RPH3A: variants seen among roughly 807,000 people sequenced by gnomAD.
RPH3A encodes the protein rabphilin-3A.
In RPH3A, 48 loss-of-function variants were observed where a neutral mutation model predicts 102.2. The ratio of observed to expected loss-of-function variants is 0.47; its 90% CI spans 0.37 to 0.60. The LOEUF is 0.60. RPH3A is among the 20% of genes least tolerant of loss of function. The pLI, the probability that RPH3A is intolerant of heterozygous loss-of-function variation, is 0.00. For synonymous variants in RPH3A, 310 were observed against 324.3 expected, an observed-to-expected ratio of 0.96 and a Z score of 0.47; for missense variants, 781 against 910.1, an observed-to-expected ratio of 0.86 and a Z score of 1.83.
Position 112,847,767 on chromosome 12 carries a change from A to G in RPH3A, c.155A>G (p.Asp52Gly), listed in dbSNP as rs1468997998. Residue 52 changes from aspartate (D) to glycine (G), a missense_variant, in exon 5 of 22, where the codon GAT becomes GGT. By Grantham distance (94) the Asp-to-Gly change is moderately conservative. Coordinates refer to ENST00000389385, the MANE Select transcript of RPH3A (RefSeq NM_001143854.2). ...CAGAGGAAGCAGGAAGAGCTGACTG[A>G]TGAGGAGAAAGAAATCATCAACAGG... ...DRQRKQEELTDEEKEIINRVI... is the reference protein window; with the variant it reads ...DRQRKQEELTGEEKEIINRVI... 2 of 1,614,090 alleles carry G rather than the reference A, an allele frequency of 1.2e-6. No homozygotes were observed. Among genetic ancestry groups the G allele is most frequent in the Non-Finnish European group, 8.5e-7 (1 of 1,180,032 alleles).
intron 1 of RPH3A, among the ~76,000 whole-genome samples, chr12:112,738,519 G>A (rs1178969770): frequency 6.6e-6 from 1 of 152,120 alleles, no homozygotes; most frequent in Non-Finnish European, 1.5e-5. Context: ...CCCACTAAGG[G>A]AGTAAGCACT....
chr12:112,695,566 C>T (rs1462531160), intron 1 of RPH3A, among the ~76,000 whole-genome samples: 1 of 152,158 alleles, frequency 6.6e-6, no homozygotes, highest in Admixed American at 6.5e-5. Flanking sequence ...CTCTGGGTAC[C>T]AGCCTGACTT....
chr12:112,732,365 C>T (rs2040640698), intron 1 of RPH3A, among the ~76,000 whole-genome samples: 2 of 152,208 alleles, frequency 1.3e-5, no homozygotes, highest in Non-Finnish European at 2.9e-5. Flanking sequence ...CATCCCCGCT[C>T]TCCATTTGCT....
At chr12:112,747,393 G>A (rs1352492961) in intron 1 of RPH3A, among the ~76,000 whole-genome samples, 1 of 152,126 alleles carries the variant, frequency 6.6e-6, no homozygotes, top group Non-Finnish European at 1.5e-5. Flanking sequence ...AAATCTGCTG[G>A]TGCTTTGATC....
At chr12:112,591,364 G>C (rs894232773) in intron 1 of RPH3A, among the ~76,000 whole-genome samples, 4 of 152,232 alleles carry the variant, frequency 2.6e-5, no homozygotes, top group Admixed American at 1.3e-4. Flanking sequence ...GGGATTGCAA[G>C]TGTGTGTGAG....
chr12:112,858,293 AAG>A (rs1565923801), intron 5 of RPH3A, among the ~76,000 whole-genome samples: 17 of 141,388 alleles, frequency 1.2e-4, no homozygotes, highest in African/African-American at 3.0e-4. Context: ...AAAAAAAAAA[AAG>A]AAAAGAAAAG....
chr12:112,831,059 G>C (rs1342207436), intron 3 of RPH3A, among the ~76,000 whole-genome samples: 3 of 150,758 alleles, frequency 2.0e-5, no homozygotes, highest in African/African-American at 7.3e-5. Flanking sequence ...CACTGTTCTA[G>C]AGCAAAATCA....
At chr12:112,818,457 T>A (rs1265938645) in intron 2 of RPH3A, among the ~76,000 whole-genome samples, 1 of 152,122 alleles carries the variant, frequency 6.6e-6, no homozygotes, top group Admixed American at 6.5e-5. Context: ...ATCTCCCAGC[T>A]TTTATCCTTT....
chr12:112,781,364 C>T (rs1268918396), intron 1 of RPH3A, among the ~76,000 whole-genome samples: 4 of 152,122 alleles, frequency 2.6e-5, no homozygotes, highest in Admixed American at 1.3e-4. Flanking sequence ...TTGGGTTTGT[C>T]GTCTGATTGA....
chr12:112,676,076 T>C (rs764442434), intron 1 of RPH3A, among the ~76,000 whole-genome samples: 1 of 151,920 alleles, frequency 6.6e-6, no homozygotes, highest in Non-Finnish European at 1.5e-5. Flanking sequence ...TGTGAGGAAA[T>C]CTGTCTGCGG....
At chr12:112,633,289 T>C (rs751073960) in intron 1 of RPH3A, among the ~76,000 whole-genome samples, 3 of 152,212 alleles carry the variant, frequency 2.0e-5, no homozygotes, top group Non-Finnish European at 4.4e-5. Context: ...ATTTTGTTTT[T>C]GTAAATGATT....
intron 2 of RPH3A, among the ~76,000 whole-genome samples, chr12:112,805,621 G>C (rs1225705610): frequency 6.6e-6 from 1 of 152,124 alleles, no homozygotes; most frequent in African/African-American, 2.4e-5. Flanking sequence ...TGATTGTTTT[G>C]CCTTCTGGAG....
chr12:112,709,892 G>A (rs1251086642), intron 1 of RPH3A, among the ~76,000 whole-genome samples: 1 of 152,140 alleles, frequency 6.6e-6, no homozygotes, highest in African/African-American at 2.4e-5. Flanking sequence ...ATGTTTAATT[G>A]TTTGCCCAAG....
chr12:112,857,435 T>G (rs1026332599), intron 5 of RPH3A, among the ~76,000 whole-genome samples: 1 of 152,082 alleles, frequency 6.6e-6, no homozygotes. Context: ...ATGGACCCCA[T>G]AGGAAACAAG....
At position 112,711,681 on chromosome 12, in the gene RPH3A, C is replaced by A. The variant is rs983582513; in HGVS notation, c.-139-80462C>A. Among the ~76,000 whole-genome samples, 14 of 152,314 alleles carry A rather than the reference C, an allele frequency of 9.2e-5. 1 individual carries two copies. The highest frequency in any genetic ancestry group is 3.1e-4 in the African/African-American group (13 of 41,570). On this transcript the variant is annotated intron_variant, in intron 1 of 21. Coordinates refer to the RPH3A transcript ENST00000543106. ...TGGACTTCAGGTTGTTAACCAATGACAAATGACTGCTCTTCTGGGCATCTC... is the reference window on the plus strand; with the variant it reads ...TGGACTTCAGGTTGTTAACCAATGAAAAATGACTGCTCTTCTGGGCATCTC...
intron 1 of RPH3A, among the ~76,000 whole-genome samples, chr12:112,703,259 AC>A (rs1255912037): frequency 6.6e-6 from 1 of 152,166 alleles, no homozygotes; most frequent in Non-Finnish European, 1.5e-5. Context: ...TGAATAATAA[AC>A]TTTTATTATT....
intron 1 of RPH3A, among the ~76,000 whole-genome samples, chr12:112,671,816 T>A (rs768503395): frequency 6.6e-6 from 1 of 151,724 alleles, no homozygotes; most frequent in Non-Finnish European, 1.5e-5. Context: ...GGCTTTGTAT[T>A]AGTCAGCGTT....
intron 1 of RPH3A, among the ~76,000 whole-genome samples, chr12:112,689,155 C>G (rs748850757): frequency 6.6e-6 from 1 of 152,158 alleles, no homozygotes; most frequent in Non-Finnish European, 1.5e-5. Context: ...AGTGGCCTGA[C>G]AGGTAACCTG....
chr12:112,860,348 G>A (rs1017850374), intron 5 of RPH3A, among the ~76,000 whole-genome samples: 1 of 152,172 alleles, frequency 6.6e-6, no homozygotes, highest in Admixed American at 6.5e-5. Flanking sequence ...TCCCTGAGCT[G>A]AGACATCTGA....
Sources: gnomAD v4.1 joint callset for allele counts (sites outside exome capture counted in the v4.1 genomes callset) on GRCh38, gnomAD v4.1.1 for gene constraint, MANE v1.5 for transcripts, NCBI Gene and HGNC (gene_info 2026-07-23, HGNC 2026-07-21) for gene names.